The following DDX18 variants were observed in gnomAD, a reference collection of about 807,000 sequenced individuals.
The protein encoded by DDX18 is DEAD-box helicase 18.
In DDX18, 23 loss-of-function variants were observed where a neutral mutation model predicts 73.5. The observed-to-expected ratio is 0.31, with a 90% CI of 0.23 to 0.44. The LOEUF (loss-of-function observed/expected upper bound fraction) is 0.44. DDX18 is among the 20% of genes least tolerant of loss of function. The probability of loss-of-function intolerance (pLI) is 1.00; values close to 1 mark genes in which losing one functional copy is unlikely to be tolerated. For missense variants in DDX18, 753 were observed against 792.9 expected (o/e 0.95, Z 0.60); for synonymous variants, 268 against 282.7 (o/e 0.95, Z 0.52).
At chr2:117,822,101 CAT>C in intron 6 of DDX18, 40 bp downstream of exon 6, 13 of 1,613,748 alleles carry the variant, frequency 8.1e-6, no homozygotes, top group Non-Finnish European at 1.1e-5. Context: ...TTGTATGAAA[CAT>C]AAACTGACAA....
At chr2:117,818,948 C>G (rs776146609) in intron 2 of DDX18, among the ~76,000 whole-genome samples, 2 of 152,134 alleles carry the variant, frequency 1.3e-5, no homozygotes, top group Non-Finnish European at 2.9e-5. Context: ...GAAGGGTGGC[C>G]GTCAGGTACA....
intron 2 of DDX18, among the ~76,000 whole-genome samples, chr2:117,818,361 A>G (rs1386133815): frequency 6.6e-6 from 1 of 152,222 alleles, no homozygotes; most frequent in African/African-American, 2.4e-5. Context: ...TGTTTATGGC[A>G]ACAGAGATCA....
intron 2 of DDX18, 107 bp from the exon 3 acceptor site, chr2:117,819,542 C>T (rs1015683763): frequency 1.8e-6 from 2 of 1,107,994 alleles, no homozygotes; most frequent in Middle Eastern, 3.1e-4. Context: ...ATATACTTAG[C>T]TTTTGAAAAT....
chr2:117,829,358 C>A lies in DDX18; in HGVS notation c.1762C>A (p.Arg588=). The part of the protein sequence containing the change: ...SAQEAYKSYI[R]AYDSHSLKQI... ...CCAGGAAGCATATAAGTCATACATACGAGCCTATGATTCCCATTCTCTGAA... is the reference window on the plus strand; with the variant it reads ...CCAGGAAGCATATAAGTCATACATAAGAGCCTATGATTCCCATTCTCTGAA... The change falls in exon 13 of 14, where the codon CGA becomes AGA. Residue 588 remains arginine (R), a synonymous_variant. Transcript: ENST00000263239. 1 of 1,613,862 alleles carries A rather than the reference C, an allele frequency of 6.2e-7. No individual in the cohort carries two copies. The highest frequency in any genetic ancestry group is 1.3e-5 in the African/African-American group (1 of 75,002).
intron 3 of DDX18, among the ~76,000 whole-genome samples, 180 bp from the exon 4 acceptor site, chr2:117,820,981 C>T (rs1679837413): frequency 6.6e-6 from 1 of 152,090 alleles, no homozygotes; most frequent in Non-Finnish European, 1.5e-5. Flanking sequence ...CAGCCGTTAA[C>T]AGTGGAGAAA....
At chr2:117,815,215 C>T (rs952586631) in intron 1 of DDX18, 7 of 253,168 alleles carry the variant, frequency 2.8e-5, no homozygotes, top group Non-Finnish European at 5.5e-5. Context: ...TCCCTCATTT[C>T]CGGTTATGCT....
At chr2:117,815,739 C>G (rs775451695) in intron 1 of DDX18, 1 of 152,146 alleles carries the variant, frequency 6.6e-6, no homozygotes, top group South Asian at 2.1e-4. Flanking sequence ...TAAATTTGAA[C>G]AAAAGATGGT....
chr2:117,826,365 T>C lies in DDX18; in HGVS notation c.1618T>C (p.Tyr540His), dbSNP rs763220710. The change falls in exon 11 of 14, where the codon TAC becomes CAC. Residue 540 changes from tyrosine (Y) to histidine (H), a missense_variant. Physicochemically the swap from Tyr to His is moderately conservative, Grantham distance 83 (BLOSUM62 2). This residue lies in a region of DDX18 where 402 missense variants were observed against 419.4 expected (regional missense o/e 0.96). Transcript: ENST00000263239. Reference protein sequence around the residue: ...LRPEELGFLRYLKQSKVPLSE... With the variant: ...LRPEELGFLRHLKQSKVPLSE... ...CCCAGAAGAATTGGGTTTTCTTCGC[T>C]ACTTGAAACAATCCAAGGTAAAGAT... is the stretch of plus-strand genomic sequence containing the variant. 1 of 1,613,928 alleles carries C rather than the reference T, an allele frequency of 6.2e-7. No individual in the cohort carries two copies. Among genetic ancestry groups the C allele is most frequent in the Non-Finnish European group, 8.5e-7 (1 of 1,179,924 alleles).
rs777031241 is a variant in DDX18, at chr2:117,824,747, C to T, written c.1206+39C>T. ...ATAACTGAAAACTGTAGGGATCTTA[C>T]TTGGTGTTTTTATGTAATTGTTGGA... On this transcript the variant is annotated intron_variant, in intron 8 of 13. Transcript: ENST00000263239. 3.4e-6 allele frequency: 5 copies of T among 1,472,288 alleles called. No individual in the cohort carries two copies. The African/African-American group carries it at 5.7e-5, about 17-fold the overall frequency. 91.2% of individuals were successfully genotyped at this position (1,472,288 alleles called of 1,614,324 possible). A position where few individuals can be genotyped will look rare whatever the true frequency, so the allele number is the denominator to read the frequency against.
chr2:117,822,492 G>A, intron 7 of DDX18: 1 of 418,540 alleles, frequency 2.4e-6, no homozygotes, highest in Non-Finnish European at 4.4e-6. Context: ...TCTTCACATA[G>A]GTCCTGTCCT....
intron 2 of DDX18, 133 bp from the exon 3 acceptor site, chr2:117,819,516 A>T: frequency 1.1e-6 from 1 of 875,524 alleles, no homozygotes; most frequent in Non-Finnish European, 1.6e-6. Context: ...CAGAATTCTT[A>T]ACAAATTAAT....
intron 11 of DDX18, 43 bp from the exon 12 acceptor site, chr2:117,828,906 C>T: frequency 6.5e-6 from 9 of 1,382,368 alleles, no homozygotes; most frequent in Non-Finnish European, 9.2e-6. Context: ...TATCGGAATG[C>T]TGATCATCCT....
chr2:117,822,421 A>G lies in DDX18; in HGVS notation c.1066+160A>G, dbSNP rs1679860744. 6.8e-6 allele frequency: 4 copies of G among 588,296 alleles called. No individual in the cohort carries two copies. In the South Asian group the frequency reaches 7.8e-5, roughly 12 times the overall value. 36.4% of individuals were successfully genotyped at this position (588,296 alleles called of 1,614,324 possible). On this transcript the variant is annotated intron_variant, in intron 7 of 13. Coordinates refer to ENST00000263239, the MANE Select transcript of DDX18 (RefSeq NM_006773.4). Reference sequence around the variant, plus strand: ...AGGTAATTTGGAATACAAGCATCAAATGTATTATAACTTGATATAATAGTT... The same window carrying G: ...AGGTAATTTGGAATACAAGCATCAAGTGTATTATAACTTGATATAATAGTT...
intron 10 of DDX18, 84 bp from the exon 11 acceptor site, chr2:117,826,185 C>T: frequency 8.9e-7 from 1 of 1,118,220 alleles, no homozygotes; most frequent in Non-Finnish European, 1.3e-6. Context: ...TCAGTACAGA[C>T]ATGCACATAC....
intron 11 of DDX18, 120 bp downstream of exon 11, chr2:117,826,502 C>A: frequency 2.3e-6 from 2 of 881,388 alleles, no homozygotes; most frequent in South Asian, 1.6e-5. Flanking sequence ...ATTCTTATGG[C>A]AATTAAGCAA....
chr2:117,816,917 C>T (rs528780475), intron 1 of DDX18, among the ~76,000 whole-genome samples: 7 of 152,254 alleles, frequency 4.6e-5, no homozygotes, highest in Non-Finnish European at 7.4e-5. Context: ...TCATTGTGCA[C>T]GCATTACTGT....
At chr2:117,815,037 C>T (rs926920019) in intron 1 of DDX18, 175 bp downstream of exon 1, 1 of 631,184 alleles carries the variant, frequency 1.6e-6, no homozygotes, top group East Asian at 2.8e-5. Context: ...GCCCACTCGT[C>T]GCGTGGCTCC....
chr2:117,819,875 G>T, intron 3 of DDX18, 83 bp downstream of exon 3: 1 of 1,294,500 alleles, frequency 7.7e-7, no homozygotes, highest in East Asian at 2.8e-5. Context: ...GTTCAGTTGT[G>T]ACTTTCAGTT....
chr2:117,823,945 T>C (rs1373923927), intron 7 of DDX18, among the ~76,000 whole-genome samples: 3 of 152,240 alleles, frequency 2.0e-5, no homozygotes, highest in Non-Finnish European at 4.4e-5. Flanking sequence ...TATTGGTTGA[T>C]TTTTCAAATG....
Sources: gnomAD v4.1 joint callset for allele counts (sites outside exome capture counted in the v4.1 genomes callset) on GRCh38, gnomAD v4.1.1 for gene constraint, gnomAD v4.1.1 regional missense constraint, MANE v1.5 for transcripts, NCBI Gene and HGNC (gene_info 2026-07-23, HGNC 2026-07-21) for gene names.